The following CDH4 variants were observed in gnomAD, a reference collection of about 807,000 sequenced individuals.
CDH4 encodes the protein cadherin 4, also known as cadherin-4.
A neutral mutation model predicts 86.0 loss-of-function variants in CDH4; 33 were observed. The observed-to-expected ratio is 0.38, with a 90% CI of 0.29 to 0.51. The LOEUF is 0.51. Ranked by LOEUF, CDH4 falls within the 20% of genes least tolerant of loss-of-function variation. The pLI is 0.86. For missense variants in CDH4, 1,114 were observed against 1,307.4 expected (o/e 0.85, Z 2.28); for synonymous variants, 555 against 549.4 (o/e 1.01, Z -0.14).
intron 2 of CDH4, among the ~76,000 whole-genome samples, chr20:61,674,994 A>G (rs1368256962): frequency 6.6e-6 from 1 of 152,222 alleles, no homozygotes; most frequent in African/African-American, 2.4e-5. Flanking sequence ...ATTGTGGCCC[A>G]CCCACCCACA....
intron 2 of CDH4, among the ~76,000 whole-genome samples, chr20:61,621,359 G>A (rs1014932264): frequency 1.3e-5 from 2 of 152,176 alleles, no homozygotes; most frequent in Admixed American, 6.5e-5. Context: ...AACATGCCTC[G>A]GATGAAAGTT....
At chr20:61,737,837 A>T (rs2088283408) in intron 2 of CDH4, among the ~76,000 whole-genome samples, 1 of 152,164 alleles carries the variant, frequency 6.6e-6, no homozygotes. Flanking sequence ...ACAGAAACAA[A>T]GACTGTGCTC....
chr20:61,583,365 C>T (rs2086446331), intron 2 of CDH4, among the ~76,000 whole-genome samples: 1 of 151,938 alleles, frequency 6.6e-6, no homozygotes, highest in Non-Finnish European at 1.5e-5. Context: ...ATGGTGCTGG[C>T]CCCATGGTCA....
rs527842440 is a variant in CDH4 at position 61,499,295 on chromosome 20, G to A, written c.170-244268G>A. 67 of 415,236 alleles carry A rather than the reference G, an allele frequency of 1.6e-4. 1 individual carries two copies. Among genetic ancestry groups the A allele is most frequent in the South Asian group, 1.3e-3 (66 of 52,112 alleles). 25.7% of individuals were successfully genotyped at this position (415,236 alleles called of 1,614,324 possible). ...TGGGGGCACAGCCCCGGACCTTCATGCTGCTCACTCTGGCCAGGTACTTTC... is the reference window on the plus strand; with the variant it reads ...TGGGGGCACAGCCCCGGACCTTCATACTGCTCACTCTGGCCAGGTACTTTC... On this transcript the variant is annotated intron_variant, in intron 2 of 15. Coordinates refer to ENST00000614565, the MANE Select transcript of CDH4 (RefSeq NM_001794.5).
chr20:61,560,744 G>A (rs751797001), intron 2 of CDH4, among the ~76,000 whole-genome samples: 4 of 152,224 alleles, frequency 2.6e-5, no homozygotes, highest in African/African-American at 7.2e-5. Flanking sequence ...TGACCACCTC[G>A]CCATGAAGGC....
At chr20:61,706,671 C>T (rs186935631) in intron 2 of CDH4, among the ~76,000 whole-genome samples, 96 of 152,228 alleles carry the variant, frequency 6.3e-4, no homozygotes, top group African/African-American at 1.2e-3. Context: ...CACACAGTGG[C>T]ACCGACTCCC....
intron 2 of CDH4, among the ~76,000 whole-genome samples, chr20:61,528,877 A>T (rs1260343493): frequency 1.3e-5 from 2 of 149,116 alleles, no homozygotes; most frequent in Non-Finnish European, 3.0e-5. Flanking sequence ...TAACCAGTGC[A>T]CCGCCCTTGT....
intron 8 of CDH4, among the ~76,000 whole-genome samples, chr20:61,900,828 C>T (rs774134178): frequency 5.9e-5 from 9 of 152,244 alleles, no homozygotes; most frequent in Non-Finnish European, 1.0e-4. Context: ...AGTTGCCTCC[C>T]TTTCCTCATC....
chr20:61,719,652 GT>G (rs2088008521), intron 2 of CDH4: 1 of 156,566 alleles, frequency 6.4e-6, no homozygotes, highest in Admixed American at 6.1e-5. Flanking sequence ...GCGATCCAAT[GT>G]CCCCCCAGAA....
At chr20:61,749,376 T>C (rs1398649280) in intron 3 of CDH4, among the ~76,000 whole-genome samples, 1 of 152,200 alleles carries the variant, frequency 6.6e-6, no homozygotes, top group Non-Finnish European at 1.5e-5. Flanking sequence ...TACTGAGACA[T>C]ATAAAAGCAC....
intron 2 of CDH4, among the ~76,000 whole-genome samples, chr20:61,672,898 G>A (rs2087406113): frequency 1.3e-5 from 2 of 152,122 alleles, no homozygotes; most frequent in Non-Finnish European, 1.5e-5. Flanking sequence ...GAGGTGGGGA[G>A]AGGAGGAGGT....
intron 2 of CDH4, among the ~76,000 whole-genome samples, chr20:61,481,185 T>C (rs1401421288): frequency 6.6e-6 from 1 of 152,148 alleles, no homozygotes; most frequent in Non-Finnish European, 1.5e-5. Context: ...GAACACGTGG[T>C]AGGGTCTGGA....
At chr20:61,253,450 C>G (rs1376576524) in intron 1 of CDH4, among the ~76,000 whole-genome samples, 1 of 152,014 alleles carries the variant, frequency 6.6e-6, no homozygotes, top group Non-Finnish European at 1.5e-5. Context: ...TGCAGGAACC[C>G]CCTCTCGTGG....
At chr20:61,446,783 A>G (rs2085352694) in intron 2 of CDH4, among the ~76,000 whole-genome samples, 1 of 152,114 alleles carries the variant, frequency 6.6e-6, no homozygotes, top group South Asian at 2.1e-4. Context: ...TCTCACCTTA[A>G]CCCAGGGTAT....
intron 2 of CDH4, among the ~76,000 whole-genome samples, chr20:61,382,626 C>T (rs569073596): frequency 9.8e-5 from 15 of 152,308 alleles, no homozygotes; most frequent in African/African-American, 2.9e-4. Flanking sequence ...AATGCAGGTG[C>T]GAGCAGGGCC....
intron 2 of CDH4, among the ~76,000 whole-genome samples, chr20:61,617,537 G>A (rs1183447739): frequency 1.3e-5 from 2 of 152,212 alleles, no homozygotes; most frequent in African/African-American, 4.8e-5. Flanking sequence ...TGCAAAAGGA[G>A]AAAATGCACA....
At chr20:61,588,378 G>A (rs1471551004) in intron 2 of CDH4, among the ~76,000 whole-genome samples, 2 of 152,202 alleles carry the variant, frequency 1.3e-5, no homozygotes, top group African/African-American at 4.8e-5. Context: ...GGGCACAGCG[G>A]GAGAGAGGCA....
At chr20:61,272,665 A>C (rs2084189361) in intron 2 of CDH4, among the ~76,000 whole-genome samples, 1 of 152,138 alleles carries the variant, frequency 6.6e-6, no homozygotes, top group South Asian at 2.1e-4. Flanking sequence ...TTGAGGGAGT[A>C]CTATGCACAG....
At chr20:61,910,364 C>A (rs2054836330) in intron 8 of CDH4, 58 bp from the exon 9 acceptor site, 2 of 1,472,680 alleles carry the variant, frequency 1.4e-6, no homozygotes, top group Middle Eastern at 1.7e-4. Flanking sequence ...ACGTGCACTT[C>A]TCTGTGCATA....
Sources: allele counts gnomAD v4.1 joint callset (sites outside exome capture counted in the v4.1 genomes callset), GRCh38; gene constraint gnomAD v4.1.1; transcripts MANE v1.5; gene names NCBI Gene and HGNC (gene_info 2026-07-23, HGNC 2026-07-21).